TPRG1: variants seen among roughly 807,000 people sequenced by gnomAD.
TPRG1 encodes tumor protein p63 regulated 1, also known as tumor protein p63-regulated gene 1 protein.
TPRG1 carries 29 observed loss-of-function variants against 29.3 expected under a neutral mutation model. The observed-to-expected ratio is 0.99, with a 90% CI of 0.74 to 1.35. The LOEUF (loss-of-function observed/expected upper bound fraction) is 1.35. Ranked by LOEUF, TPRG1 falls within the 40% of genes most tolerant of loss-of-function variation. The probability of loss-of-function intolerance (pLI) is 0.00; values close to 1 mark genes in which losing one functional copy is unlikely to be tolerated. For missense variants in TPRG1, 327 were observed against 335.0 expected (o/e 0.98, Z 0.19); for synonymous variants, 130 against 116.8 (o/e 1.11, Z -0.73).
chr3:189,197,086 A>G (rs776223745), intron 1 of TPRG1, among the ~76,000 whole-genome samples: 1 of 152,026 alleles, frequency 6.6e-6, no homozygotes, highest in Non-Finnish European at 1.5e-5. Flanking sequence ...TAATCTACAC[A>G]CTCGCCTGGG....
At chr3:189,018,012 G>T (rs1190763599) in intron 3 of TPRG1, among the ~76,000 whole-genome samples, 1 of 151,280 alleles carries the variant, frequency 6.6e-6, no homozygotes, top group African/African-American at 2.4e-5. Context: ...GTGTTTTTTG[G>T]CTGCATAAAT....
intron 4 of TPRG1, among the ~76,000 whole-genome samples, chr3:189,068,476 A>G (rs1277502305): frequency 6.6e-6 from 1 of 152,202 alleles, no homozygotes; most frequent in Non-Finnish European, 1.5e-5. Context: ...AGTCAGCCAT[A>G]AAAAAGAACA....
intron 4 of TPRG1, among the ~76,000 whole-genome samples, chr3:189,092,802 C>A (rs769613964): frequency 6.6e-6 from 1 of 152,090 alleles, no homozygotes; most frequent in Non-Finnish European, 1.5e-5. Context: ...TCAAAATAAC[C>A]AAATTAACAT....
At chr3:189,190,929 G>A in intron 1 of TPRG1, 5 of 984,864 alleles carry the variant, frequency 5.1e-6, no homozygotes, top group Non-Finnish European at 6.0e-6. Flanking sequence ...TTATCCCTTT[G>A]CAATGAGCCG....
chr3:189,153,960 C>A (rs1578565523), intron 5 of TPRG1, among the ~76,000 whole-genome samples: 1 of 152,200 alleles, frequency 6.6e-6, no homozygotes, highest in Non-Finnish European at 1.5e-5. Context: ...TGACTGGATG[C>A]CACTGGACAT....
chr3:189,060,470 C>T (rs1398744468), intron 4 of TPRG1, among the ~76,000 whole-genome samples: 2 of 152,068 alleles, frequency 1.3e-5, no homozygotes, highest in African/African-American at 4.8e-5. Context: ...AAGAAATAAA[C>T]AGCATCCAAA....
intron 4 of TPRG1, among the ~76,000 whole-genome samples, chr3:189,242,617 G>A (rs1428240241): frequency 6.6e-6 from 1 of 151,734 alleles, no homozygotes; most frequent in Non-Finnish European, 1.5e-5. Flanking sequence ...TCATATTTTG[G>A]CTATGCTGCC....
rs1373815320 is a variant in TPRG1 at position 189,325,203 on chromosome 3, G to A, written c.*4383G>A. The A allele has an allele frequency of 6.6e-6, 1 of 151,232 alleles. No homozygotes were observed. Among genetic ancestry groups the A allele is most frequent in the African/African-American group, 2.4e-5 (1 of 41,068 alleles). The allele number at this position is 151,232 out of a possible 1,614,324, so 9.4% of individuals were successfully genotyped here. On this transcript the variant is annotated 3_prime_UTR_variant, in exon 6 of 6. Transcript: ENST00000345063. ...TATCCTCTGCTAAACCCTCTCTTTA[G>A]CCTCAAAGCCCAAGACCAAAAAAAA...
At chr3:189,259,811 T>C (rs530573033) in intron 4 of TPRG1, among the ~76,000 whole-genome samples, 1 of 152,282 alleles carries the variant, frequency 6.6e-6, no homozygotes, top group East Asian at 1.9e-4. Context: ...GTGAAGGAAC[T>C]GCAATTCTGA....
chr3:189,068,120 T>C (rs1488959625), intron 4 of TPRG1, among the ~76,000 whole-genome samples: 1 of 152,194 alleles, frequency 6.6e-6, no homozygotes, highest in Non-Finnish European at 1.5e-5. Flanking sequence ...CACCGTGAGA[T>C]ATCATCTCAC....
chr3:189,049,531 C>T (rs1031655955), intron 4 of TPRG1, among the ~76,000 whole-genome samples: 6 of 152,150 alleles, frequency 3.9e-5, no homozygotes, highest in Non-Finnish European at 1.5e-5. Context: ...CACACCTAGC[C>T]CTGCCCCCAC....
intron 3 of TPRG1, among the ~76,000 whole-genome samples, chr3:189,227,584 T>C (rs184347116): frequency 1.8e-4 from 28 of 152,342 alleles, no homozygotes; most frequent in African/African-American, 6.3e-4. Context: ...CTTTATCTGC[T>C]GTTTTGATAC....
intron 2 of TPRG1, among the ~76,000 whole-genome samples, chr3:189,212,864 C>T (rs753235919): frequency 8.5e-5 from 13 of 152,242 alleles, no homozygotes; most frequent in Middle Eastern, 3.4e-3. Flanking sequence ...ACAACTGGCC[C>T]CAGGCTAGTC....
At chr3:189,074,567 A>G (rs1717019256) in intron 4 of TPRG1, among the ~76,000 whole-genome samples, 1 of 151,894 alleles carries the variant, frequency 6.6e-6, no homozygotes, top group Non-Finnish European at 1.5e-5. Context: ...TGTAGGTTAG[A>G]GCATCTTAGT....
At chr3:189,207,684 A>G (rs1476755340) in intron 2 of TPRG1, 90 bp downstream of exon 2, 7 of 1,233,186 alleles carry the variant, frequency 5.7e-6, no homozygotes, top group Admixed American at 1.8e-5. Flanking sequence ...TACTGAGTGT[A>G]CTCACATTTG....
At chr3:189,202,032 G>A (rs1733582797) in intron 1 of TPRG1, among the ~76,000 whole-genome samples, 1 of 152,062 alleles carries the variant, frequency 6.6e-6, no homozygotes, top group Admixed American at 6.5e-5. Context: ...CTCATGTTCT[G>A]GCAACTAAGT....
chr3:189,259,462 CTTTTT>C (rs35016491), intron 4 of TPRG1, among the ~76,000 whole-genome samples: 6 of 92,118 alleles, frequency 6.5e-5, no homozygotes, highest in African/African-American at 2.4e-4. Context: ...CCAGGAATCC[CTTTTT>C]TTTTTTTTTT....
At chr3:189,119,447 C>T (rs564537712) in intron 1 of TPRG1, among the ~76,000 whole-genome samples, 32 of 152,184 alleles carry the variant, frequency 2.1e-4, no homozygotes, top group African/African-American at 7.2e-4. Flanking sequence ...TGGAGGGGCA[C>T]GATTGCGTTT....
At chr3:189,081,740 T>C (rs1041230314) in intron 4 of TPRG1, among the ~76,000 whole-genome samples, 7 of 152,354 alleles carry the variant, frequency 4.6e-5, no homozygotes, top group African/African-American at 1.7e-4. Context: ...TTACTATATC[T>C]TCTCTTCCAT....
Sources: allele counts gnomAD v4.1 joint callset (sites outside exome capture counted in the v4.1 genomes callset), GRCh38; gene constraint gnomAD v4.1.1; transcripts MANE v1.5; gene names NCBI Gene and HGNC (gene_info 2026-07-23, HGNC 2026-07-21).